Variants in ATXN7L2 observed in about 807,000 individuals in gnomAD.
ATXN7L2 encodes ataxin-7-like protein 2.
A neutral mutation model predicts 59.6 loss-of-function variants in ATXN7L2; 17 were observed. That is an observed-to-expected ratio of 0.29 (90% CI 0.20 to 0.43). ATXN7L2 has a LOEUF of 0.43. Ranked by LOEUF, ATXN7L2 falls within the 20% of genes least tolerant of loss-of-function variation. The probability of loss-of-function intolerance (pLI) is 1.00; values close to 1 mark genes in which losing one functional copy is unlikely to be tolerated. For synonymous variants in ATXN7L2, 378 were observed against 392.5 expected, an observed-to-expected ratio of 0.96 and a Z score of 0.44; for missense variants, 858 against 1,008.9, an observed-to-expected ratio of 0.85 and a Z score of 2.03.
chr1:109,490,852 AGT>A (rs1192052613), intron 9 of ATXN7L2, 68 bp from the exon 10 acceptor site: 1 of 1,473,274 alleles, frequency 6.8e-7, no homozygotes, highest in Non-Finnish European at 9.1e-7. Context: ...GAGAGACTGG[AGT>A]GTGTCTTGTG....
chr1:109,491,661 C>T lies in ATXN7L2; in HGVS notation c.2194C>T (p.Arg732Cys), dbSNP rs369441759. 72 of 1,611,334 alleles carry T rather than the reference C, an allele frequency of 4.5e-5. No homozygotes were observed. Among genetic ancestry groups the T allele is most frequent in the South Asian group, 8.8e-5 (8 of 90,962 alleles). Reference sequence around the variant, plus strand: ...CCCTGCTGATGTGGCCTGCTCTGTGCGCCGCAAGAAGCCAGGCCCGGCCCT... The same window carrying T: ...CCCTGCTGATGTGGCCTGCTCTGTGTGCCGCAAGAAGCCAGGCCCGGCCCT... ...GAPADVACSVRRKKPGPALAF... is the reference protein window; with the variant it reads ...GAPADVACSVCRKKPGPALAF... Residue 732 changes from arginine (R) to cysteine (C), a missense_variant, in exon 10 of 11, where the codon CGC (arginine) becomes TGC (cysteine). Arg to Cys is a radical substitution (Grantham distance 180, BLOSUM62 -3). Transcript: ENST00000683729. This position sits in a 1 kb window ranked among gnomAD's most constrained non-coding sequence, Gnocchi z 4.1.
Position 109,488,480 on chromosome 1 carries a change from A to G in ATXN7L2, c.879+15A>G, listed in dbSNP as rs1268743363. 1 of 1,600,198 alleles carries G rather than the reference A, an allele frequency of 6.2e-7. No homozygotes were observed. Among genetic ancestry groups the G allele is most frequent in the African/African-American group, 1.3e-5 (1 of 74,776 alleles). On this transcript the variant is annotated intron_variant, in intron 6 of 10. Transcript: ENST00000683729. This position sits in a 1 kb window ranked among gnomAD's most constrained non-coding sequence, Gnocchi z 5.0. The stretch of plus-strand genomic sequence containing the variant: ...TGACCTGCAAGGTAACCCCCTTCCC[A>G]CTGCACGGTGAGGGAGGACAGCACA...
At chr1:109,489,266 C>T (rs1349941850) in intron 7 of ATXN7L2, 166 bp downstream of exon 7, 1 of 903,472 alleles carries the variant, frequency 1.1e-6, no homozygotes, top group African/African-American at 1.7e-5. Context: ...GCAGGAGACT[C>T]CCCTGTTTCC....
At chr1:109,484,329 C>G (rs939033756) in intron 1 of ATXN7L2, among the ~76,000 whole-genome samples, 2 of 152,068 alleles carry the variant, frequency 1.3e-5, no homozygotes, top group African/African-American at 2.4e-5. Flanking sequence ...AATACCTGCC[C>G]CCATATAGGC....
Position 109,488,982 on chromosome 1 carries a change from C to A in ATXN7L2, c.1015C>A (p.Leu339Ile), listed in dbSNP as rs944145382. ...EKSPGRKEQV[L>I]ERPSQELPSS... Reference sequence around the variant, plus strand: ...GAGCCCAGGGCGCAAGGAGCAAGTTCTCGAGCGCCCCTCCCAGGAGCTCCC... The same window carrying A: ...GAGCCCAGGGCGCAAGGAGCAAGTTATCGAGCGCCCCTCCCAGGAGCTCCC... Residue 339 changes from leucine (L) to isoleucine (I), a missense_variant, in exon 7 of 11, where the codon CTC (leucine) becomes ATC (isoleucine). Around this residue, in one of 3 missense-constraint regions of ATXN7L2, gnomAD observed 734 missense variants for 862.3 expected, o/e 0.85. Transcript: ENST00000683729. The surrounding 1 kb of genome is among the most constrained non-coding windows in gnomAD (Gnocchi z 5.0). 1 of 1,614,052 alleles carries A rather than the reference C, an allele frequency of 6.2e-7. No homozygotes were observed. Among genetic ancestry groups the A allele is most frequent in the Non-Finnish European group, 8.5e-7 (1 of 1,180,026 alleles).
In ATXN7L2 at chr1:109,488,310, C is replaced by T. The variant is rs186952013; in HGVS notation, c.797-73C>T. The T allele has an allele frequency of 6.7e-4, 955 of 1,414,860 alleles. 1 individual carries two copies. Among genetic ancestry groups the T allele is most frequent in the Non-Finnish European group, 8.8e-4 (899 of 1,021,828 alleles). The allele number at this position is 1,414,860 out of a possible 1,614,324, so 87.6% of individuals were successfully genotyped here. A position where few individuals can be genotyped will look rare whatever the true frequency, so the allele number is the denominator to read the frequency against. The stretch of plus-strand genomic sequence containing the variant: ...TTAGTACCAGTTCTCAGGCCCTTGG[C>T]AGGAAGCGGCCAAATCCTCCTGTAA... On this transcript the variant is annotated intron_variant, in intron 5 of 10. Coordinates refer to ENST00000683729, the MANE Select transcript of ATXN7L2 (RefSeq NM_001350175.2). This position sits in a 1 kb window ranked among gnomAD's most constrained non-coding sequence, Gnocchi z 5.0.
Position 109,484,017 on chromosome 1 carries a change from G to T in ATXN7L2, c.64G>T (p.Asp22Tyr). Residue 22 changes from aspartate to tyrosine, a missense_variant, in exon 1 of 11, where the codon GAT (aspartate) becomes TAT (tyrosine). This residue lies in a region of ATXN7L2 where 95 missense variants were observed against 82.6 expected (regional missense o/e 1.15). Transcript: ENST00000683729. ...TCTGGAGCGGCGGGTGCCGAGTCTC[G>T]ATGACTTCGCGGGACAGAGCTGGAG... The part of the protein sequence containing the change: ...AALERRVPSL[D>Y]DFAGQSWSSW... 4.9e-6 allele frequency: 7 copies of T among 1,438,066 alleles called. No individual in the cohort carries two copies. Among genetic ancestry groups the T allele is most frequent in the South Asian group, 1.5e-5 (1 of 66,490 alleles). 89.1% of individuals were successfully genotyped at this position (1,438,066 alleles called of 1,614,324 possible).
At position 109,491,144 on chromosome 1, in the gene ATXN7L2, C is replaced by T. The variant is rs137888225; in HGVS notation, c.1677C>T (p.Gly559=). The change falls in exon 10 of 11, where the codon GGC becomes GGT. Residue 559 remains glycine (G), a synonymous_variant. Transcript: ENST00000683729. This position sits in a 1 kb window ranked among gnomAD's most constrained non-coding sequence, Gnocchi z 4.1. ...AAACSQAECM[G]GSQAITSPLP... Reference sequence around the variant, plus strand: ...CCTGTAGCCAGGCAGAGTGCATGGGCGGGAGCCAGGCTATCACCTCACCAC... The same window carrying T: ...CCTGTAGCCAGGCAGAGTGCATGGGTGGGAGCCAGGCTATCACCTCACCAC... 134 of 1,613,450 alleles carry T rather than the reference C, an allele frequency of 8.3e-5. No homozygotes were observed. The highest frequency in any genetic ancestry group is 1.1e-4 in the Non-Finnish European group (128 of 1,179,944).
In ATXN7L2 at chr1:109,487,823, G is replaced by C; in HGVS notation, c.796+19G>C. On this transcript the variant is annotated intron_variant, in intron 5 of 10. Transcript: ENST00000683729. ...ATGGCTCGTGAGTAGTTGTGGTCTT[G>C]GGGGTCCAGAATGTAGAGTGGGGAC... is the stretch of plus-strand genomic sequence containing the variant. 6 of 1,575,402 alleles carry C rather than the reference G, an allele frequency of 3.8e-6. No individual in the cohort carries two copies. The highest frequency in any genetic ancestry group is 5.2e-6 in the Non-Finnish European group (6 of 1,162,278).
At chr1:109,489,597 T>G in intron 7 of ATXN7L2, 1 of 398,452 alleles carries the variant, frequency 2.5e-6, no homozygotes, top group African/African-American at 2.1e-5. Flanking sequence ...AGAAGGGGGT[T>G]GAGCGAGTTG....
chr1:109,492,713 AAAG>A lies in ATXN7L2; in HGVS notation c.*114_*116del. 7.6e-7 allele frequency: 1 copy of A among 1,310,406 alleles called. No individual in the cohort carries two copies. The highest frequency in any genetic ancestry group is 1.1e-6 in the Non-Finnish European group (1 of 945,900). The allele number at this position is 1,310,406 out of a possible 1,614,324, so 81.2% of individuals were successfully genotyped here. Reference sequence around the variant, plus strand: ...TTTATATTATTTTTTTTTAAGAAAAAAAGCTCTTTAAAATACCTCAAGACTGTC... The same window carrying A: ...TTTATATTATTTTTTTTTAAGAAAAACTCTTTAAAATACCTCAAGACTGTC... On this transcript the variant is annotated 3_prime_UTR_variant, in exon 11 of 11. Transcript: ENST00000683729.
At position 109,485,500 on chromosome 1, in the gene ATXN7L2, C is replaced by T. The variant is rs553541854; in HGVS notation, c.128-557C>T. The T allele has an allele frequency of 8.3e-4, 820 of 985,352 alleles. 4 individuals are homozygous for T. In the South Asian group the frequency reaches 0.02, roughly 24 times the overall value. The allele number at this position is 985,352 out of a possible 1,614,324, so 61.0% of individuals were successfully genotyped here. Reference sequence around the variant, plus strand: ...CCTGAGAAGCTGGGTGTAACTTTGACAATGCTATGGTAACCCAGGTGGAGC... The same window carrying T: ...CCTGAGAAGCTGGGTGTAACTTTGATAATGCTATGGTAACCCAGGTGGAGC... On this transcript the variant is annotated intron_variant, in intron 1 of 10. Transcript: ENST00000683729.
Position 109,487,719 on chromosome 1 carries a change from G to A in ATXN7L2, c.711G>A (p.Gly237=), listed in dbSNP as rs373813012. 2 of 1,613,610 alleles carry A rather than the reference G, an allele frequency of 1.2e-6. No individual in the cohort carries two copies. Among genetic ancestry groups the A allele is most frequent in the East Asian group, 2.2e-5 (1 of 44,818 alleles). ...ACATCGAGATCATCCCCAGTGAGGGGTCCAGTCACTGGGCTGAAGGCAGCC... is the reference window on the plus strand; with the variant it reads ...ACATCGAGATCATCCCCAGTGAGGGATCCAGTCACTGGGCTGAAGGCAGCC... The part of the protein sequence containing the change: ...RENIEIIPSE[G]SSHWAEGSPP... The change falls in exon 5 of 11, where the codon GGG becomes GGA. Residue 237 remains glycine (G), a synonymous_variant. Coordinates refer to ENST00000683729, the MANE Select transcript of ATXN7L2 (RefSeq NM_001350175.2).
intron 7 of ATXN7L2, chr1:109,489,351 A>G (rs189935354): frequency 1.6e-4 from 88 of 543,708 alleles, no homozygotes; most frequent in Admixed American, 1.4e-3. Context: ...ACATTTTCCC[A>G]GCTGCCTCCA....
Position 109,487,750 on chromosome 1 carries a change from G to C in ATXN7L2, c.742G>C (p.Glu248Gln), listed in dbSNP as rs776229888. 6.2e-6 allele frequency: 10 copies of C among 1,612,144 alleles called. No individual in the cohort carries two copies. In the Admixed American group the frequency reaches 1.2e-4, roughly 19 times the overall value. The change falls in exon 5 of 11, where the codon GAA becomes CAA. Residue 248 changes from glutamate (E) to glutamine (Q), a missense_variant. This residue lies in a region of ATXN7L2 where 734 missense variants were observed against 862.3 expected (regional missense o/e 0.85). Coordinates refer to ENST00000683729, the MANE Select transcript of ATXN7L2 (RefSeq NM_001350175.2). ...TCACTGGGCTGAAGGCAGCCCTCCTGAAAAGGAGCCCAGTGGGACCAGGCT... is the reference window on the plus strand; with the variant it reads ...TCACTGGGCTGAAGGCAGCCCTCCTCAAAAGGAGCCCAGTGGGACCAGGCT... The part of the protein sequence containing the change: ...SSHWAEGSPP[E>Q]KEPSGTRLPP...
chr1:109,485,418 G>C (rs1656510541), intron 1 of ATXN7L2: 2 of 985,330 alleles, frequency 2.0e-6, no homozygotes, highest in Non-Finnish European at 2.4e-6. Flanking sequence ...CTTTGAAGAT[G>C]CTCAAGGACC....
intron 1 of ATXN7L2, among the ~76,000 whole-genome samples, chr1:109,484,562 G>T (rs528864438): frequency 8.6e-4 from 127 of 147,816 alleles, no homozygotes; most frequent in African/African-American, 3.0e-3. Flanking sequence ...CGCCCTCTCC[G>T]CGTTAGTTCG....
intron 7 of ATXN7L2, 174 bp from the exon 8 acceptor site, chr1:109,489,756 A>T: frequency 1.5e-6 from 1 of 684,892 alleles, no homozygotes; most frequent in Non-Finnish European, 2.5e-6. Flanking sequence ...TCTGTCTCTT[A>T]CTCTGTGAGC....
rs948049858 is a variant in ATXN7L2 at position 109,492,638 on chromosome 1, A to G, written c.*38A>G. The G allele has an allele frequency of 6.2e-7, 1 of 1,610,188 alleles. No individual in the cohort carries two copies. Among genetic ancestry groups the G allele is most frequent in the Non-Finnish European group, 8.5e-7 (1 of 1,178,830 alleles). On this transcript the variant is annotated 3_prime_UTR_variant, in exon 11 of 11. Coordinates refer to ENST00000683729, the MANE Select transcript of ATXN7L2 (RefSeq NM_001350175.2). The stretch of plus-strand genomic sequence containing the variant: ...TGCCCACTGCAACGGAGCCGCCAGC[A>G]CCTCCTCCCCTCCAGATCCGGGCCC...
Sources: allele counts gnomAD v4.1 joint callset (sites outside exome capture counted in the v4.1 genomes callset), GRCh38; gene constraint gnomAD v4.1.1; regional missense constraint gnomAD v4.1.1; non-coding constraint Gnocchi (gnomAD v3.1); transcripts MANE v1.5; gene names NCBI Gene and HGNC (gene_info 2026-07-23, HGNC 2026-07-21).